The following ULK2 variants were observed in gnomAD, a reference collection of about 807,000 sequenced individuals.
ULK2 encodes the protein unc-51 like autophagy activating kinase 2.
ULK2 carries 76 observed loss-of-function variants against 127.5 expected under a neutral mutation model. That is an observed-to-expected ratio of 0.60 (90% CI 0.50 to 0.72). The LOEUF (loss-of-function observed/expected upper bound fraction) is 0.72. ULK2 is among the 30% of genes least tolerant of loss of function. The pLI is 0.00. For missense variants in ULK2, 1,144 were observed against 1,295.9 expected (o/e 0.88, Z 1.80); for synonymous variants, 452 against 461.9 (o/e 0.98, Z 0.28).
intron 20 of ULK2, among the ~76,000 whole-genome samples, chr17:19,790,798 A>C (rs1173698780): frequency 9.2e-5 from 14 of 152,218 alleles, no homozygotes. Context: ...ATGTAGACTG[A>C]TAATAAAGGG....
intron 18 of ULK2, among the ~76,000 whole-genome samples, chr17:19,796,661 C>T (rs2087278795): frequency 6.6e-6 from 1 of 152,154 alleles, no homozygotes; most frequent in Non-Finnish European, 1.5e-5. Context: ...AAATAAATGC[C>T]TGCAGCACCA....
Position 19,809,440 on chromosome 17 carries a change from T to C in ULK2, c.1157+938A>G, listed in dbSNP as rs140800799. Among the ~76,000 whole-genome samples, 327 of 152,194 alleles carry C rather than the reference T, an allele frequency of 2.1e-3. 1 individual carries two copies. The highest frequency in any genetic ancestry group is 7.6e-3 in the African/African-American group (314 of 41,530). ...AGATTTTATGTGTTTTTTATCACAA[T>C]TAAAATTTCAGGCTGGGCACAGCGG... is the stretch of plus-strand genomic sequence containing the variant. On this transcript the variant is annotated intron_variant, in intron 14 of 26. Coordinates refer to ENST00000395544, the MANE Select transcript of ULK2 (RefSeq NM_014683.4).
chr17:19,795,926 G>C (rs533617655), intron 19 of ULK2, among the ~76,000 whole-genome samples, 169 bp downstream of exon 19: 1 of 152,252 alleles, frequency 6.6e-6, no homozygotes, highest in South Asian at 2.1e-4. Flanking sequence ...CATAGTTACA[G>C]GAAGCATCTG....
intron 20 of ULK2, among the ~76,000 whole-genome samples, chr17:19,792,814 G>A (rs1297776170): frequency 6.6e-6 from 1 of 151,886 alleles, no homozygotes; most frequent in East Asian, 1.9e-4. Flanking sequence ...GAAACTCAAG[G>A]CACCCCTAAT....
At chr17:19,856,588 A>AC (rs1225119461) in intron 3 of ULK2, among the ~76,000 whole-genome samples, 9 of 144,606 alleles carry the variant, frequency 6.2e-5, no homozygotes, top group South Asian at 2.2e-4. Flanking sequence ...TCACACACAC[A>AC]AAAAAAAAAA....
intron 20 of ULK2, among the ~76,000 whole-genome samples, chr17:19,794,249 T>C (rs1334207414): frequency 6.6e-6 from 1 of 152,172 alleles, no homozygotes; most frequent in African/African-American, 2.4e-5. Flanking sequence ...AGTGCCCAGC[T>C]AGCTCAGTCA....
chr17:19,845,564 C>T (rs1197103097), intron 6 of ULK2, among the ~76,000 whole-genome samples, 187 bp from the exon 7 acceptor site: 1 of 152,220 alleles, frequency 6.6e-6, no homozygotes, highest in African/African-American at 2.4e-5. Context: ...TAGTAGTAAT[C>T]GTCAACTGTA....
At chr17:19,793,020 T>C (rs1250344525) in intron 20 of ULK2, among the ~76,000 whole-genome samples, 1 of 152,216 alleles carries the variant, frequency 6.6e-6, no homozygotes, top group Non-Finnish European at 1.5e-5. Context: ...TATAAATAAC[T>C]GCCCGAGACT....
chr17:19,824,816 A>G (rs1490831823), intron 12 of ULK2, among the ~76,000 whole-genome samples: 1 of 152,188 alleles, frequency 6.6e-6, no homozygotes, highest in Admixed American at 6.5e-5. Context: ...TCACCAAAAC[A>G]CCATAGGGTA....
At chr17:19,853,006 C>T (rs936548061) in intron 3 of ULK2, among the ~76,000 whole-genome samples, 3 of 151,846 alleles carry the variant, frequency 2.0e-5, no homozygotes, top group Non-Finnish European at 4.4e-5. Context: ...AATTCAGATG[C>T]CTAGAAGCAG....
chr17:19,825,069 T>C (rs1416535668), intron 12 of ULK2, 25 bp downstream of exon 12: 1 of 1,605,434 alleles, frequency 6.2e-7, no homozygotes, highest in South Asian at 1.1e-5. Flanking sequence ...AACTCTGAAA[T>C]TATTTTTAAT....
chr17:19,775,661 T>C lies in ULK2; in HGVS notation c.*688A>G, dbSNP rs930580930. ...GATTACATGTGAATTCTGGAAAGGGTCTATGTATACAATCAAGTAAAATAT... is the reference window on the plus strand; with the variant it reads ...GATTACATGTGAATTCTGGAAAGGGCCTATGTATACAATCAAGTAAAATAT... On this transcript the variant is annotated 3_prime_UTR_variant, in exon 27 of 27. Transcript: ENST00000395544. 1.3e-5 allele frequency: 2 copies of C among 152,524 alleles called. No individual in the cohort carries two copies. Among genetic ancestry groups the C allele is most frequent in the Non-Finnish European group, 2.9e-5 (2 of 68,034 alleles). The allele number at this position is 152,524 out of a possible 1,614,324, so 9.4% of individuals were successfully genotyped here.
At chr17:19,821,875 G>A (rs764291669) in intron 12 of ULK2, among the ~76,000 whole-genome samples, 11 of 152,022 alleles carry the variant, frequency 7.2e-5, no homozygotes, top group African/African-American at 9.7e-5. Flanking sequence ...TTGTAGAGAC[G>A]GGATTTCACC....
At chr17:19,819,494 C>T (rs1027447733) in intron 12 of ULK2, among the ~76,000 whole-genome samples, 7 of 152,188 alleles carry the variant, frequency 4.6e-5, no homozygotes, top group Admixed American at 6.5e-5. Flanking sequence ...TGTACTTACC[C>T]GAGTGACCAT....
At chr17:19,787,748 CA>C (rs1597715124) in intron 20 of ULK2, among the ~76,000 whole-genome samples, 2 of 152,242 alleles carry the variant, frequency 1.3e-5, no homozygotes, top group East Asian at 3.9e-4. Context: ...TCATAAGAAC[CA>C]AAAATCAGGT....
chr17:19,848,256 T>C (rs1333579541), intron 5 of ULK2: 1 of 152,222 alleles, frequency 6.6e-6, no homozygotes, highest in African/African-American at 2.4e-5. Context: ...ATTCCTTACC[T>C]ACACTGAGGA....
At chr17:19,778,106 T>C (rs1567669695) in intron 25 of ULK2, among the ~76,000 whole-genome samples, 1 of 152,258 alleles carries the variant, frequency 6.6e-6, no homozygotes, top group East Asian at 1.9e-4. Context: ...TAATAGTCAC[T>C]TGCTGGCTTT....
chr17:19,861,544 C>CA lies in ULK2; in HGVS notation c.225+3258dup, dbSNP rs767096614. ...TGGCCAACAGAACGAGACTCCGTCTCAAAAAAAAAAAAAGAAAATCATCTA... is the reference window on the plus strand; with the variant it reads ...TGGCCAACAGAACGAGACTCCGTCTCAAAAAAAAAAAAAAGAAAATCATCTA... On this transcript the variant is annotated intron_variant, in intron 3 of 26. Coordinates refer to ENST00000395544, the MANE Select transcript of ULK2 (RefSeq NM_014683.4). 2.0e-3 allele frequency among the ~76,000 whole-genome samples: 239 copies of CA among 120,870 alleles called. 1 individual carries two copies. Among genetic ancestry groups the CA allele is most frequent in the South Asian group, 8.4e-3 (30 of 3,560 alleles). The allele number at this position is 120,870 out of a possible 152,430, so 79.3% of individuals were successfully genotyped here. A position where few individuals can be genotyped will look rare whatever the true frequency, so the allele number is the denominator to read the frequency against.
chr17:19,865,733 T>C lies in ULK2; in HGVS notation c.183+3A>G. ...ATGAATACTACTACATAAAGTAACA[T>C]ACCTTTAAGATTTTAATTTCCTTTC... is the stretch of plus-strand genomic sequence containing the variant. On this transcript the variant is annotated splice_donor_region_variant and intron_variant, in intron 2 of 26. Coordinates refer to ENST00000395544, the MANE Select transcript of ULK2 (RefSeq NM_014683.4). 6.8e-7 allele frequency: 1 copy of C among 1,474,576 alleles called. No individual in the cohort carries two copies. Among genetic ancestry groups the C allele is most frequent in the Non-Finnish European group, 9.4e-7 (1 of 1,068,938 alleles). 91.3% of individuals were successfully genotyped at this position (1,474,576 alleles called of 1,614,324 possible). A position where few individuals can be genotyped will look rare whatever the true frequency, so the allele number is the denominator to read the frequency against.
Sources: gnomAD v4.1 joint callset for allele counts (sites outside exome capture counted in the v4.1 genomes callset) on GRCh38, gnomAD v4.1.1 for gene constraint, MANE v1.5 for transcripts, NCBI Gene and HGNC (gene_info 2026-07-23, HGNC 2026-07-21) for gene names.